Variants in IL19 observed in about 807,000 individuals in gnomAD.
IL19 encodes the protein interleukin 19, also known as interleukin-19.
Under a neutral mutation model 19.5 loss-of-function variants are expected in IL19, and 15 were observed. The observed-to-expected ratio is 0.77, with a 90% confidence interval of 0.52 to 1.19. The LOEUF (loss-of-function observed/expected upper bound fraction) is 1.19, where lower values mean the gene tolerates loss of function less well. IL19 is among the 50% of genes most tolerant of loss of function. The probability of loss-of-function intolerance (pLI) is 0.00; values close to 1 mark genes in which losing one functional copy is unlikely to be tolerated. For missense variants in IL19, 199 were observed against 213.1 expected (o/e 0.93, Z 0.41); for synonymous variants, 78 against 78.3 (o/e 1.00, Z 0.02).
intron 2 of IL19, among the ~76,000 whole-genome samples, chr1:206,832,899 CG>C (rs1282604435): frequency 6.6e-6 from 1 of 152,186 alleles, no homozygotes; most frequent in Non-Finnish European, 1.5e-5. Flanking sequence ...GCACCTGTCC[CG>C]TAAAAGGCCC....
Position 206,805,932 on chromosome 1 carries a change from G to A in IL19, c.-3+6926G>A, listed in dbSNP as rs1675833410. On this transcript the variant is annotated intron_variant, in intron 2 of 6. Coordinates refer to ENST00000659997, the MANE Select transcript of IL19 (RefSeq NM_153758.5). The stretch of plus-strand genomic sequence containing the variant: ...TTAATGAAGTCCAAGGGTTCACTAG[G>A]AATCCATCCCTGCTGCTCTTGCTTT... Among the ~76,000 whole-genome samples, 4 of 152,250 alleles carry A rather than the reference G, an allele frequency of 2.6e-5. No individual in the cohort carries two copies. The South Asian group carries it at 8.3e-4, about 31-fold the overall frequency.
Position 206,770,853 on chromosome 1 carries a change from A to C in IL19, c.-374A>C. ...GATGTGAGTGTCCCTGCTGGTCTGT[A>C]GGAGATGGTATTTTGGGGGCAGCTG... On this transcript the variant is annotated 5_prime_UTR_variant, in exon 1 of 7. Transcript: ENST00000659997. 4.5e-6 allele frequency: 7 copies of C among 1,542,468 alleles called. No homozygotes were observed. The highest frequency in any genetic ancestry group is 6.3e-6 in the Non-Finnish European group (7 of 1,114,016).
intron 4 of IL19, among the ~76,000 whole-genome samples, chr1:206,838,179 C>A (rs1676863634): frequency 2.0e-5 from 3 of 152,182 alleles, no homozygotes; most frequent in African/African-American, 7.2e-5. Context: ...GCCCAATCAT[C>A]TAGACAGGAG....
Position 206,841,003 on chromosome 1 carries a change from G to A in IL19, c.364-1G>A, listed in dbSNP as rs2243187. On this transcript the variant is annotated splice_acceptor_variant, in intron 5 of 6. Coordinates refer to ENST00000659997, the MANE Select transcript of IL19 (RefSeq NM_153758.5). LOFTEE classifies it high-confidence loss of function. The stretch of plus-strand genomic sequence containing the variant: ...TAGGAGCTTCCTCCACTTTATCACA[G>A]CAGGAACAGAGGCAGTGTCACTGCA... 5.7e-4 allele frequency: 922 copies of A among 1,613,670 alleles called. 4 individuals are homozygous for A. In the African/African-American group the frequency reaches 0.01, roughly 18 times the overall value.
chr1:206,789,561 C>T (rs1336031083), intron 1 of IL19, among the ~76,000 whole-genome samples: 1 of 151,962 alleles, frequency 6.6e-6, no homozygotes, highest in African/African-American at 2.4e-5. Flanking sequence ...GTATATATGC[C>T]ATATTTTCTT....
At chr1:206,784,311 C>T (rs1038105348) in intron 1 of IL19, among the ~76,000 whole-genome samples, 1 of 152,196 alleles carries the variant, frequency 6.6e-6, no homozygotes, top group African/African-American at 2.4e-5. Context: ...CTCCTCCCAG[C>T]CTGCCCCTTC....
intron 1 of IL19, among the ~76,000 whole-genome samples, chr1:206,786,342 T>C (rs1409801322): frequency 6.6e-6 from 1 of 152,220 alleles, no homozygotes; most frequent in East Asian, 1.9e-4. Flanking sequence ...CAGCTATGAC[T>C]GTTGATATCA....
At chr1:206,796,472 C>T (rs1392228135) in intron 1 of IL19, among the ~76,000 whole-genome samples, 1 of 152,144 alleles carries the variant, frequency 6.6e-6, no homozygotes, top group Non-Finnish European at 1.5e-5. Context: ...TTGTTTTTCC[C>T]CCATGAGTTC....
intron 1 of IL19, among the ~76,000 whole-genome samples, chr1:206,791,941 G>A (rs994627387): frequency 1.3e-5 from 2 of 152,212 alleles, no homozygotes; most frequent in African/African-American, 4.8e-5. Context: ...GTGTGTGTGT[G>A]TGTGCATTTA....
intron 6 of IL19, 114 bp from the exon 7 acceptor site, chr1:206,842,413 C>CA: frequency 3.1e-6 from 2 of 654,062 alleles, no homozygotes; most frequent in South Asian, 2.2e-5. Context: ...TATTTCGTGA[C>CA]AAAAAAACAA....
chr1:206,776,330 C>A (rs1183847377), intron 1 of IL19, among the ~76,000 whole-genome samples: 1 of 152,062 alleles, frequency 6.6e-6, no homozygotes, highest in Non-Finnish European at 1.5e-5. Context: ...TAAAGGCACA[C>A]CAACCCAGGA....
At chr1:206,815,110 G>A (rs1392382750) in intron 2 of IL19, among the ~76,000 whole-genome samples, 1 of 152,180 alleles carries the variant, frequency 6.6e-6, no homozygotes, top group African/African-American at 2.4e-5. Flanking sequence ...GCTGAGGCTG[G>A]CTCTCTGGGA....
chr1:206,776,909 CAAAAA>C (rs1186364224), intron 1 of IL19, among the ~76,000 whole-genome samples: 3 of 50,452 alleles, frequency 5.9e-5, no homozygotes, highest in Non-Finnish European at 7.0e-5. Flanking sequence ...CTTGCAACTA[CAAAAA>C]AAAAAAAAAA....
At chr1:206,802,083 G>C (rs192033009) in intron 2 of IL19, among the ~76,000 whole-genome samples, 1 of 152,292 alleles carries the variant, frequency 6.6e-6, no homozygotes, top group East Asian at 1.9e-4. Flanking sequence ...CATGGTCCTG[G>C]GCTCCTTGTG....
In IL19 at chr1:206,782,401, T is replaced by C. The variant is rs1675168659; in HGVS notation, c.-149+11323T>C. The stretch of plus-strand genomic sequence containing the variant: ...CTCTCAGGGTTTCTCAGACCACCCT[T>C]AGAGAATGAATGCTGTAAGTGTTTC... On this transcript the variant is annotated intron_variant, in intron 1 of 6. Coordinates refer to ENST00000659997, the MANE Select transcript of IL19 (RefSeq NM_153758.5). 2.9e-5 allele frequency among the ~76,000 whole-genome samples: 4 copies of C among 139,176 alleles called. 1 individual carries two copies. In the Admixed American group the frequency reaches 3.1e-4, roughly 11 times the overall value. The allele number at this position is 139,176 out of a possible 152,430, so 91.3% of individuals were successfully genotyped here. A position where few individuals can be genotyped will look rare whatever the true frequency, so the allele number is the denominator to read the frequency against.
intron 2 of IL19, among the ~76,000 whole-genome samples, chr1:206,800,455 G>T (rs571400088): frequency 6.6e-6 from 1 of 152,214 alleles, no homozygotes. Flanking sequence ...AGGAAGTGCC[G>T]TAAGACCCCA....
intron 1 of IL19, among the ~76,000 whole-genome samples, chr1:206,793,694 A>G (rs955685164): frequency 6.6e-6 from 1 of 151,350 alleles, no homozygotes; most frequent in Non-Finnish European, 1.5e-5. Context: ...CAAACAACAG[A>G]AAAAAACACG....
intron 1 of IL19, chr1:206,772,237 G>A (rs1234022810): frequency 1.0e-5 from 16 of 1,599,222 alleles, no homozygotes; most frequent in African/African-American, 1.3e-5. Flanking sequence ...GCAGTCCCAG[G>A]AAGAGAGAAA....
At chr1:206,833,735 A>G in intron 2 of IL19, 6 of 985,316 alleles carry the variant, frequency 6.1e-6, no homozygotes, top group Non-Finnish European at 7.2e-6. Flanking sequence ...CTCTCTCTGC[A>G]TTAATCAAGA....
Sources: allele counts gnomAD v4.1 joint callset (sites outside exome capture counted in the v4.1 genomes callset), GRCh38; gene constraint gnomAD v4.1.1; transcripts MANE v1.5; gene names NCBI Gene and HGNC (gene_info 2026-07-23, HGNC 2026-07-21).